The following RAP1GDS1 variants were observed in gnomAD, a reference collection of about 807,000 sequenced individuals.
The protein encoded by RAP1GDS1 is RAP1, GTP-GDP dissociation stimulator 1.
In RAP1GDS1, 35 loss-of-function variants were observed where a neutral mutation model predicts 71.1. The observed-to-expected ratio is 0.49, with a 90% CI of 0.38 to 0.65. The LOEUF is 0.65. Ranked by LOEUF, RAP1GDS1 falls within the 30% of genes least tolerant of loss-of-function variation. RAP1GDS1 has a pLI of 0.00. For missense variants in RAP1GDS1, 663 were observed against 706.1 expected, an observed-to-expected ratio of 0.94 and a Z score of 0.69; for synonymous variants, 229 against 243.1, an observed-to-expected ratio of 0.94 and a Z score of 0.54.
intron 2 of RAP1GDS1, among the ~76,000 whole-genome samples, chr4:98,323,129 G>T (rs1265003539): frequency 6.7e-6 from 1 of 149,254 alleles, no homozygotes; most frequent in Non-Finnish European, 1.5e-5. Flanking sequence ...TACCATCAGA[G>T]AATACTACAA....
intron 6 of RAP1GDS1, among the ~76,000 whole-genome samples, chr4:98,399,574 G>A (rs1469200321): frequency 2.6e-5 from 4 of 152,152 alleles, no homozygotes; most frequent in Non-Finnish European, 1.5e-5. Context: ...GACTATAGGC[G>A]TGAACCACTG....
intron 2 of RAP1GDS1, among the ~76,000 whole-genome samples, chr4:98,324,067 CA>C (rs1209230931): frequency 6.6e-5 from 10 of 151,436 alleles, no homozygotes; most frequent in Admixed American, 5.9e-4. Flanking sequence ...TAAGCAACTT[CA>C]AAGTCTCAGG....
intron 9 of RAP1GDS1, 65 bp downstream of exon 9, chr4:98,417,563 C>A: frequency 6.7e-7 from 1 of 1,497,624 alleles, no homozygotes; most frequent in Non-Finnish European, 9.2e-7. Context: ...TGCTTTGCTA[C>A]CACATATACT....
chr4:98,331,939 A>C (rs1734079159), intron 2 of RAP1GDS1, among the ~76,000 whole-genome samples: 1 of 152,196 alleles, frequency 6.6e-6, no homozygotes, highest in Non-Finnish European at 1.5e-5. Flanking sequence ...TTCAAAAGCA[A>C]TACAGAAAGT....
intron 2 of RAP1GDS1, among the ~76,000 whole-genome samples, chr4:98,311,229 T>C (rs1022207076): frequency 1.3e-5 from 2 of 152,180 alleles, no homozygotes; most frequent in African/African-American, 2.4e-5. Flanking sequence ...CAATTTGTTA[T>C]CGGGTCTAAT....
chr4:98,432,795 A>T (rs1012893776), intron 12 of RAP1GDS1, among the ~76,000 whole-genome samples: 1 of 152,206 alleles, frequency 6.6e-6, no homozygotes, highest in Non-Finnish European at 1.5e-5. Flanking sequence ...TTAAAATATT[A>T]TTGAGACCTC....
intron 1 of RAP1GDS1, among the ~76,000 whole-genome samples, chr4:98,276,252 C>T (rs1724182536): frequency 6.6e-6 from 1 of 152,128 alleles, no homozygotes. Flanking sequence ...CTAATCACCT[C>T]TCAAAGGCCC....
chr4:98,280,615 T>G (rs1427653049), intron 1 of RAP1GDS1, among the ~76,000 whole-genome samples: 1 of 152,198 alleles, frequency 6.6e-6, no homozygotes, highest in Admixed American at 6.5e-5. Context: ...TTAGTTTAAT[T>G]AGATCCCATT....
At chr4:98,349,556 G>A (rs1009539050) in intron 3 of RAP1GDS1, among the ~76,000 whole-genome samples, 1 of 152,146 alleles carries the variant, frequency 6.6e-6, no homozygotes, top group Non-Finnish European at 1.5e-5. Context: ...ATTACTTTGG[G>A]CAGTATGGCC....
chr4:98,299,992 T>C (rs1314025489), intron 2 of RAP1GDS1, among the ~76,000 whole-genome samples: 1 of 152,124 alleles, frequency 6.6e-6, no homozygotes, highest in African/African-American at 2.4e-5. Context: ...ACAAAGAATT[T>C]AGAATATTAC....
At chr4:98,325,901 A>G (rs897731999) in intron 2 of RAP1GDS1, among the ~76,000 whole-genome samples, 4 of 116,284 alleles carry the variant, frequency 3.4e-5, no homozygotes, top group Admixed American at 2.7e-4. Context: ...ATGCACATGT[A>G]CCCTAAAACT....
intron 5 of RAP1GDS1, among the ~76,000 whole-genome samples, chr4:98,383,251 G>A (rs1199689185): frequency 1.3e-5 from 2 of 151,464 alleles, no homozygotes; most frequent in Non-Finnish European, 3.0e-5. Context: ...TAAATGATAA[G>A]CATTAAACAC....
At chr4:98,423,106 T>G (rs1232092846) in intron 12 of RAP1GDS1, among the ~76,000 whole-genome samples, 1 of 152,340 alleles carries the variant, frequency 6.6e-6, no homozygotes, top group Non-Finnish European at 1.5e-5. Flanking sequence ...ACAGCTAGCT[T>G]AAGTACAGCT....
intron 5 of RAP1GDS1, among the ~76,000 whole-genome samples, chr4:98,383,807 C>T (rs1742345671): frequency 6.6e-6 from 1 of 151,532 alleles, no homozygotes; most frequent in Non-Finnish European, 1.5e-5. Context: ...TAATTAAAAA[C>T]TAAAAAGCAT....
intron 5 of RAP1GDS1, among the ~76,000 whole-genome samples, chr4:98,380,662 C>T (rs772480397): frequency 6.6e-6 from 1 of 151,610 alleles, no homozygotes; most frequent in African/African-American, 2.4e-5. Context: ...GAAATTTAAC[C>T]ACAATACATA....
At chr4:98,330,538 T>G (rs887826681) in intron 2 of RAP1GDS1, among the ~76,000 whole-genome samples, 11 of 128,494 alleles carry the variant, frequency 8.6e-5, no homozygotes, top group Non-Finnish European at 1.6e-4. Context: ...GCTCCTCACC[T>G]CCCAGACGGG....
chr4:98,339,415 C>T (rs1397554769), intron 2 of RAP1GDS1, among the ~76,000 whole-genome samples: 1 of 152,050 alleles, frequency 6.6e-6, no homozygotes, highest in Non-Finnish European at 1.5e-5. Flanking sequence ...TGTCACTGCA[C>T]CTAGATGTGA....
chr4:98,272,548 G>A (rs1723626047), intron 1 of RAP1GDS1, among the ~76,000 whole-genome samples: 1 of 151,998 alleles, frequency 6.6e-6, no homozygotes, highest in Admixed American at 6.6e-5. Context: ...AGAAGAATTG[G>A]GCCCTTTCTG....
At chr4:98,328,913 A>G (rs752448414) in intron 2 of RAP1GDS1, among the ~76,000 whole-genome samples, 19 of 151,844 alleles carry the variant, frequency 1.3e-4, no homozygotes, top group Admixed American at 2.0e-4. Context: ...AGATTTAAAA[A>G]CTCTTAAGGC....
Sources: allele counts gnomAD v4.1 joint callset (sites outside exome capture counted in the v4.1 genomes callset), GRCh38; gene constraint gnomAD v4.1.1; transcripts MANE v1.5; gene names NCBI Gene and HGNC (gene_info 2026-07-23, HGNC 2026-07-21).